Variants in SEPTIN7 observed in about 807,000 individuals in gnomAD.
SEPTIN7 encodes septin 7.
In SEPTIN7, 10 loss-of-function variants were observed where a neutral mutation model predicts 63.3. The ratio of observed to expected loss-of-function variants is 0.16; its 90% CI spans 0.10 to 0.27. SEPTIN7 has a LOEUF of 0.27. SEPTIN7 is among the 10% of genes least tolerant of loss of function. The probability of loss-of-function intolerance (pLI) is 1.00; values close to 1 mark genes in which losing one functional copy is unlikely to be tolerated. For synonymous variants in SEPTIN7, 131 were observed against 165.3 expected (o/e 0.79, Z 1.59); for missense variants, 310 against 521.0 (o/e 0.59, Z 3.94).
chr7:35,910,762 A>AT (rs773352364), downstream of SEPTIN7, among the ~76,000 whole-genome samples: 3 of 152,210 alleles, frequency 2.0e-5, no homozygotes, highest in Non-Finnish European at 4.4e-5. Context: ...TTAACTTCAA[A>AT]TTTTTTGAGC....
intron 10 of SEPTIN7, among the ~76,000 whole-genome samples, chr7:35,888,177 G>T (rs1787389437): frequency 6.6e-6 from 1 of 152,146 alleles, no homozygotes; most frequent in Non-Finnish European, 1.5e-5. Flanking sequence ...AAATGGAAGA[G>T]ACAAATTCCT....
In SEPTIN7 at chr7:35,904,234, AT is replaced by A; in HGVS notation, c.1275-16del. 1 of 1,526,200 alleles carries A rather than the reference AT, an allele frequency of 6.6e-7. No individual in the cohort carries two copies. Among genetic ancestry groups the A allele is most frequent in the African/African-American group, 1.4e-5 (1 of 72,292 alleles). 94.5% of individuals were successfully genotyped at this position (1,526,200 alleles called of 1,614,324 possible). On this transcript the variant is annotated intron_variant, in intron 13 of 13. Coordinates refer to ENST00000350320, the MANE Select transcript of SEPTIN7 (RefSeq NM_001788.6). ...TATAAAATGGTTACTCATCTTGCTT[AT>A]TTTCCTTTTATCCTTTAGAACCTTG...
chr7:35,875,330 C>G (rs1786404423), intron 6 of SEPTIN7, among the ~76,000 whole-genome samples: 1 of 151,960 alleles, frequency 6.6e-6, no homozygotes, highest in African/African-American at 2.4e-5. Flanking sequence ...AAGTTTTGCC[C>G]TTTGGTACAT....
intron 3 of SEPTIN7, among the ~76,000 whole-genome samples, chr7:35,841,683 C>A (rs752009915): frequency 6.6e-6 from 1 of 152,026 alleles, no homozygotes. Flanking sequence ...ATATGAAGGC[C>A]GCATAGTCTG....
At chr7:35,825,381 G>A (rs917562105) in intron 1 of SEPTIN7, among the ~76,000 whole-genome samples, 3 of 152,168 alleles carry the variant, frequency 2.0e-5, no homozygotes, top group Non-Finnish European at 2.9e-5. Context: ...GGAACCATAC[G>A]CTCTTCTTGC....
At chr7:35,834,393 G>GA (rs1207867992) in intron 3 of SEPTIN7, among the ~76,000 whole-genome samples, 2 of 151,764 alleles carry the variant, frequency 1.3e-5, no homozygotes, top group African/African-American at 2.4e-5. Flanking sequence ...TTTTCCAAAT[G>GA]AAAAAAATCA....
chr7:35,869,925 A>G (rs1786042883), intron 4 of SEPTIN7, among the ~76,000 whole-genome samples: 1 of 152,220 alleles, frequency 6.6e-6, no homozygotes, highest in Non-Finnish European at 1.5e-5. Flanking sequence ...GTGATGCCAT[A>G]AAGATGTTGA....
chr7:35,889,298 T>A (rs1019420748), intron 10 of SEPTIN7, among the ~76,000 whole-genome samples: 3 of 152,204 alleles, frequency 2.0e-5, no homozygotes, highest in Admixed American at 2.0e-4. Flanking sequence ...GAAGTAACTA[T>A]TGTGGCTATA....
intron 3 of SEPTIN7, among the ~76,000 whole-genome samples, chr7:35,841,408 A>G (rs183950429): frequency 5.9e-5 from 9 of 152,358 alleles, no homozygotes; most frequent in African/African-American, 2.2e-4. Context: ...CTTCTCATAC[A>G]TATACTATCC....
intron 1 of SEPTIN7, among the ~76,000 whole-genome samples, chr7:35,810,121 A>G (rs537393240): frequency 1.3e-5 from 2 of 152,318 alleles, no homozygotes; most frequent in Non-Finnish European, 2.9e-5. Flanking sequence ...GTAGGGTCTC[A>G]ATACTAGGAA....
Position 35,859,081 on chromosome 7 carries a change from C to T in SEPTIN7, c.170-4471C>T, listed in dbSNP as rs116092102. On this transcript the variant is annotated intron_variant, in intron 3 of 13. Transcript: ENST00000350320. ...TAGTTTGCTCTTCTTTTTCTAGTTCCTTATGGTGTAAACATAGGTTGTTTT... is the reference window on the plus strand; with the variant it reads ...TAGTTTGCTCTTCTTTTTCTAGTTCTTTATGGTGTAAACATAGGTTGTTTT... Among the ~76,000 whole-genome samples, 942 of 152,106 alleles carry T rather than the reference C, an allele frequency of 6.2e-3. 7 individuals are homozygous for T. The highest frequency in any genetic ancestry group is 0.022 in the African/African-American group (900 of 41,484).
chr7:35,902,083 C>T (rs905984120), intron 12 of SEPTIN7: 3 of 150,488 alleles, frequency 2.0e-5, no homozygotes, highest in African/African-American at 7.3e-5. Context: ...TATATATTAA[C>T]ATTATGTTAA....
chr7:35,891,724 A>G (rs1248146046), intron 11 of SEPTIN7, among the ~76,000 whole-genome samples: 1 of 152,150 alleles, frequency 6.6e-6, no homozygotes, highest in Non-Finnish European at 1.5e-5. Flanking sequence ...CTTAGGCTAT[A>G]CTAAATTTAT....
intron 6 of SEPTIN7, among the ~76,000 whole-genome samples, chr7:35,877,265 T>A (rs1786528382): frequency 6.6e-6 from 1 of 152,176 alleles, no homozygotes; most frequent in Non-Finnish European, 1.5e-5. Context: ...TTTCAGGGGA[T>A]TTAAGACAAG....
chr7:35,815,651 A>G (rs1789012585), intron 1 of SEPTIN7, among the ~76,000 whole-genome samples: 2 of 152,220 alleles, frequency 1.3e-5, no homozygotes, highest in Admixed American at 6.5e-5. Context: ...TGCAGTACCA[A>G]TACTGTTAGT....
At chr7:35,827,910 G>A (rs551536034) in intron 1 of SEPTIN7, among the ~76,000 whole-genome samples, 22 of 152,256 alleles carry the variant, frequency 1.4e-4, no homozygotes, top group African/African-American at 5.1e-4. Flanking sequence ...CCAAACCCAT[G>A]TTTTATCTTT....
At position 35,904,357 on chromosome 7, in the gene SEPTIN7, G is replaced by A; in HGVS notation, c.*64G>A. 7.4e-7 allele frequency: 1 copy of A among 1,358,758 alleles called. No homozygotes were observed. The highest frequency in any genetic ancestry group is 1.0e-6 in the Non-Finnish European group (1 of 999,608). The allele number at this position is 1,358,758 out of a possible 1,614,324, so 84.2% of individuals were successfully genotyped here. On this transcript the variant is annotated 3_prime_UTR_variant, in exon 14 of 14. Coordinates refer to ENST00000350320, the MANE Select transcript of SEPTIN7 (RefSeq NM_001788.6). The stretch of plus-strand genomic sequence containing the variant: ...TATGCCAGCTTGGACATCAGTGTTT[G>A]TTGGATCCGTTTGACCAATTTGCAC...
chr7:35,873,147 T>C (rs1197260335), intron 5 of SEPTIN7, among the ~76,000 whole-genome samples: 1 of 152,104 alleles, frequency 6.6e-6, no homozygotes, highest in Non-Finnish European at 1.5e-5. Flanking sequence ...AGTTTTTCTG[T>C]AAGTCCTAAG....
intron 3 of SEPTIN7, chr7:35,846,959 A>G (rs1018916594): frequency 2.6e-5 from 4 of 152,618 alleles, no homozygotes; most frequent in Non-Finnish European, 4.4e-5. Flanking sequence ...CATTTAAAGG[A>G]GATTTCTGAG....
Sources: gnomAD v4.1 joint callset for allele counts (sites outside exome capture counted in the v4.1 genomes callset) on GRCh38, gnomAD v4.1.1 for gene constraint, MANE v1.5 for transcripts, NCBI Gene and HGNC (gene_info 2026-07-23, HGNC 2026-07-21) for gene names.